The following DCC variants were observed in gnomAD, a reference collection of about 807,000 sequenced individuals.
DCC encodes netrin receptor DCC.
A neutral mutation model predicts 172.5 loss-of-function variants in DCC; 58 were observed. That is an observed-to-expected ratio of 0.34 (90% CI 0.27 to 0.42). The LOEUF is 0.42. Ranked by LOEUF, DCC falls within the 10% of genes least tolerant of loss-of-function variation. DCC has a pLI of 1.00. For missense variants in DCC, 1,740 were observed against 1,791.0 expected (o/e 0.97, Z 0.51); for synonymous variants, 709 against 644.5 (o/e 1.10, Z -1.52).
intron 5 of DCC, among the ~76,000 whole-genome samples, chr18:52,926,853 G>A (rs1028395379): frequency 4.9e-5 from 7 of 142,550 alleles, no homozygotes; most frequent in African/African-American, 1.0e-4. Flanking sequence ...ACACATATAC[G>A]TGTGTGTGTA....
intron 12 of DCC, among the ~76,000 whole-genome samples, chr18:53,287,357 A>G (rs1024415139): frequency 1.3e-5 from 2 of 152,196 alleles, no homozygotes; most frequent in African/African-American, 4.8e-5. Flanking sequence ...GTATGGATAT[A>G]CTACATTTTG....
At chr18:53,325,602 A>G (rs1876596280) in intron 14 of DCC, among the ~76,000 whole-genome samples, 1 of 152,206 alleles carries the variant, frequency 6.6e-6, no homozygotes, top group Non-Finnish European at 1.5e-5. Flanking sequence ...AATCCAATTT[A>G]TACATCTATT....
At chr18:53,032,722 G>C (rs1437685812) in intron 5 of DCC, among the ~76,000 whole-genome samples, 10 of 152,146 alleles carry the variant, frequency 6.6e-5, no homozygotes, top group Non-Finnish European at 8.8e-5. Context: ...CTGAGCTACT[G>C]TGAGAGCTTT....
chr18:52,683,137 A>G (rs1288523664), intron 1 of DCC, among the ~76,000 whole-genome samples: 1 of 152,056 alleles, frequency 6.6e-6, no homozygotes, highest in Admixed American at 6.6e-5. Flanking sequence ...AAAATTCTGA[A>G]CTAGGAGTAA....
intron 1 of DCC, among the ~76,000 whole-genome samples, chr18:52,403,595 A>G (rs535675058): frequency 2.2e-4 from 34 of 152,112 alleles, no homozygotes; most frequent in African/African-American, 4.6e-4. Context: ...CACATTCTTT[A>G]TATTGTTCAC....
At chr18:52,397,081 G>A (rs1986258774) in intron 1 of DCC, among the ~76,000 whole-genome samples, 1 of 151,990 alleles carries the variant, frequency 6.6e-6, no homozygotes, top group Admixed American at 6.6e-5. Context: ...AATGAATGGG[G>A]ATGATCACAA....
intron 1 of DCC, among the ~76,000 whole-genome samples, chr18:52,485,245 G>A (rs190180969): frequency 6.6e-6 from 1 of 152,172 alleles, no homozygotes; most frequent in East Asian, 1.9e-4. Flanking sequence ...GTCCCACACT[G>A]AAGGCTTCAA....
At chr18:53,352,629 G>A (rs1342763961) in intron 15 of DCC, among the ~76,000 whole-genome samples, 3 of 152,014 alleles carry the variant, frequency 2.0e-5, no homozygotes, top group African/African-American at 7.2e-5. Flanking sequence ...ATTACAGTGG[G>A]TTTTTTGTTG....
At chr18:53,339,662 C>T in intron 14 of DCC, 51 bp from the exon 15 acceptor site, 1 of 1,414,380 alleles carries the variant, frequency 7.1e-7, no homozygotes, top group East Asian at 2.3e-5. Flanking sequence ...TTCTGCCGTG[C>T]TACATTTTCT....
In DCC at chr18:52,614,524, G is replaced by A. The variant is rs138258238; in HGVS notation, c.92-137530G>A. Among the ~76,000 whole-genome samples the A allele has an allele frequency of 9.5e-3, 1,439 of 152,164 alleles. 10 individuals carry two copies. Among genetic ancestry groups the A allele is most frequent in the Non-Finnish European group, 0.012 (809 of 68,020 alleles). ...CAAAGTTGCTTGTGACAGTGTTGAC[G>A]GCTACACCAACGATTTGTCTAAGAT... is the stretch of plus-strand genomic sequence containing the variant. On this transcript the variant is annotated intron_variant, in intron 1 of 28. Coordinates refer to ENST00000442544, the MANE Select transcript of DCC (RefSeq NM_005215.4).
At chr18:53,097,969 G>A (rs557431206) in intron 7 of DCC, among the ~76,000 whole-genome samples, 1 of 151,988 alleles carries the variant, frequency 6.6e-6, no homozygotes, top group Non-Finnish European at 1.5e-5. Context: ...GAGCTTCAAC[G>A]TATCAATTTT....
At chr18:53,183,605 T>G (rs1182901360) in intron 9 of DCC, among the ~76,000 whole-genome samples, 2 of 152,096 alleles carry the variant, frequency 1.3e-5, no homozygotes, top group Non-Finnish European at 2.9e-5. Flanking sequence ...CACAACTCAA[T>G]TACCTACAAA....
chr18:53,459,532 G>A, intron 24 of DCC, 74 bp downstream of exon 24: 1 of 918,324 alleles, frequency 1.1e-6, no homozygotes, highest in Non-Finnish European at 1.8e-6. Context: ...TCCTTTTATG[G>A]AAATGTCTTC....
At chr18:53,214,277 T>TA (rs769114338) in intron 11 of DCC, among the ~76,000 whole-genome samples, 93 of 147,534 alleles carry the variant, frequency 6.3e-4, no homozygotes, top group African/African-American at 1.8e-3. Context: ...AAAATCAAAA[T>TA]AAAAAAAAAA....
intron 1 of DCC, among the ~76,000 whole-genome samples, chr18:52,664,084 G>T (rs980890153): frequency 6.6e-6 from 1 of 152,230 alleles, no homozygotes; most frequent in Admixed American, 6.5e-5. Flanking sequence ...TCAGCAGATA[G>T]TTGCTTTATC....
chr18:52,952,040 T>C (rs1276689920), intron 5 of DCC, among the ~76,000 whole-genome samples: 3 of 152,186 alleles, frequency 2.0e-5, no homozygotes, highest in African/African-American at 7.2e-5. Context: ...TATATGATTT[T>C]GTATTAGGGC....
chr18:53,172,677 G>C (rs2055031810), intron 8 of DCC, among the ~76,000 whole-genome samples: 1 of 152,102 alleles, frequency 6.6e-6, no homozygotes, highest in East Asian at 1.9e-4. Flanking sequence ...GTCTAGAAAA[G>C]ATGCTTTGAA....
At chr18:52,931,698 G>A (rs995983503) in intron 5 of DCC, 1 of 152,026 alleles carries the variant, frequency 6.6e-6, no homozygotes. Context: ...CAAGATTAAT[G>A]ACAACCTTAT....
chr18:52,934,779 G>C lies in DCC; in HGVS notation c.985+9409G>C, dbSNP rs566411090. 4.6e-5 allele frequency: 7 copies of C among 152,230 alleles called. No individual in the cohort carries two copies. In the South Asian group the frequency reaches 1.5e-3, roughly 32 times the overall value. 9.4% of individuals were successfully genotyped at this position (152,230 alleles called of 1,614,324 possible). A position where few individuals can be genotyped will look rare whatever the true frequency, so the allele number is the denominator to read the frequency against. On this transcript the variant is annotated intron_variant, in intron 5 of 28. Transcript: ENST00000442544. The stretch of plus-strand genomic sequence containing the variant: ...GAATAATGCCCTTTTAAGAAGAAGA[G>C]TTACTGGAGCACTCTCTCCACCCTT...
Sources: gnomAD v4.1 joint callset for allele counts (sites outside exome capture counted in the v4.1 genomes callset) on GRCh38, gnomAD v4.1.1 for gene constraint, MANE v1.5 for transcripts, NCBI Gene and HGNC (gene_info 2026-07-23, HGNC 2026-07-21) for gene names.